Variants in RAP1GAP observed in about 807,000 individuals in gnomAD.
RAP1GAP encodes rap1 GTPase-activating protein 1.
A neutral mutation model predicts 87.2 loss-of-function variants in RAP1GAP; 35 were observed. The observed-to-expected ratio is 0.40, with a 90% confidence interval of 0.31 to 0.53. The LOEUF (loss-of-function observed/expected upper bound fraction) is 0.53. RAP1GAP is among the 20% of genes least tolerant of loss of function. The probability of loss-of-function intolerance (pLI) is 0.48; values close to 1 mark genes in which losing one functional copy is unlikely to be tolerated. For synonymous variants in RAP1GAP, 375 were observed against 363.9 expected, an observed-to-expected ratio of 1.03 and a Z score of -0.35; for missense variants, 734 against 898.9, an observed-to-expected ratio of 0.82 and a Z score of 2.35.
chr1:21,643,281 T>C (rs1347716062), intron 2 of RAP1GAP, among the ~76,000 whole-genome samples: 5 of 152,072 alleles, frequency 3.3e-5, no homozygotes, highest in African/African-American at 7.2e-5. Flanking sequence ...CCTCCGAGGC[T>C]GGGTGTGGTG....
At chr1:21,626,506 G>A (rs984516751) in intron 2 of RAP1GAP, 109 bp from the exon 3 acceptor site, 19 of 871,714 alleles carry the variant, frequency 2.2e-5, no homozygotes, top group African/African-American at 8.3e-5. Flanking sequence ...TAGACTTCAC[G>A]GAGGAGAGGG....
chr1:21,630,380 C>T (rs899921644), intron 2 of RAP1GAP, among the ~76,000 whole-genome samples: 2 of 151,890 alleles, frequency 1.3e-5, no homozygotes, highest in Non-Finnish European at 2.9e-5. Flanking sequence ...GCCATCCTCC[C>T]TCCTCAGCCT....
At position 21,609,764 on chromosome 1, in the gene RAP1GAP, T is replaced by C; in HGVS notation, c.1000-118A>G. The C allele has an allele frequency of 1.3e-6, 1 of 743,786 alleles. No homozygotes were observed. The highest frequency in any genetic ancestry group is 2.1e-6 in the Non-Finnish European group (1 of 468,724). 46.1% of individuals were successfully genotyped at this position (743,786 alleles called of 1,614,324 possible). On this transcript the variant is annotated intron_variant, in intron 14 of 24. Coordinates refer to ENST00000374765, the MANE Select transcript of RAP1GAP (RefSeq NM_002885.4). The surrounding 1 kb of genome is among the most constrained non-coding windows in gnomAD (Gnocchi z 4.4). ...CCCTTGGTCGGGGAGACCCAGTGACTGTGGGCTGGATGAATCTTTCTTCCA... is the reference window on the plus strand; with the variant it reads ...CCCTTGGTCGGGGAGACCCAGTGACCGTGGGCTGGATGAATCTTTCTTCCA...
Position 21,609,440 on chromosome 1 carries a change from G to C in RAP1GAP, c.1071+135C>G. The C allele has an allele frequency of 7.8e-6, 4 of 509,746 alleles. No individual in the cohort carries two copies. 31.6% of individuals were successfully genotyped at this position (509,746 alleles called of 1,614,324 possible). A position where few individuals can be genotyped will look rare whatever the true frequency, so the allele number is the denominator to read the frequency against. ...AAGATGAATGGAAAAGCCAGGCCCC[G>C]GTTGCAGTTAGGGGAGCCCAGCTGC... On this transcript the variant is annotated intron_variant, in intron 15 of 24. Transcript: ENST00000374765. The surrounding 1 kb of genome is among the most constrained non-coding windows in gnomAD (Gnocchi z 4.4).
chr1:21,605,463 A>C (rs2073773330), intron 18 of RAP1GAP, among the ~76,000 whole-genome samples: 1 of 152,154 alleles, frequency 6.6e-6, no homozygotes, highest in South Asian at 2.1e-4. Context: ...TTTCTGACAC[A>C]CAGTAGGTTC....
chr1:21,614,690 CA>C (rs2080838777), intron 7 of RAP1GAP, among the ~76,000 whole-genome samples: 1 of 152,158 alleles, frequency 6.6e-6, no homozygotes, highest in Non-Finnish European at 1.5e-5. Flanking sequence ...TGGGGAGTAT[CA>C]GGGGTGGCTG....
At position 21,601,773 on chromosome 1, in the gene RAP1GAP, C is replaced by T. The variant is rs781751939; in HGVS notation, c.1563G>A (p.Lys521=). ...GTGAGACGTGCCCGCTGTCTGGGGT[C>T]TTCTGACCAGCCGGAGGGCTCTCCC... The part of the protein sequence containing the change: ...EKRESPPAGQ[K]TPDSGHVSQE... The change falls in exon 20 of 25, where the codon AAG becomes AAA. Residue 521 remains lysine, a synonymous_variant. Transcript: ENST00000374765. The T allele has an allele frequency of 1.2e-6, 2 of 1,610,394 alleles. No homozygotes were observed. The highest frequency in any genetic ancestry group is 2.2e-5 in the East Asian group (1 of 44,824).
chr1:21,639,911 G>A (rs2095347491), intron 2 of RAP1GAP, among the ~76,000 whole-genome samples: 1 of 152,166 alleles, frequency 6.6e-6, no homozygotes, highest in African/African-American at 2.4e-5. Flanking sequence ...GGGTGTGGGA[G>A]GGAAAGCGCT....
At chr1:21,599,894 C>T (rs2066752118) in intron 20 of RAP1GAP, among the ~76,000 whole-genome samples, 1 of 152,244 alleles carries the variant, frequency 6.6e-6, no homozygotes, top group Non-Finnish European at 1.5e-5. Context: ...AGCACAATAT[C>T]CTTGGCGTGG....
At chr1:21,646,658 T>A (rs1016011605) in intron 2 of RAP1GAP, among the ~76,000 whole-genome samples, 1 of 152,220 alleles carries the variant, frequency 6.6e-6, no homozygotes, top group East Asian at 1.9e-4. Flanking sequence ...AGAACGCTCC[T>A]ACCTTGCACA....
intron 2 of RAP1GAP, among the ~76,000 whole-genome samples, chr1:21,633,971 G>A (rs1438577472): frequency 3.3e-5 from 5 of 151,934 alleles, no homozygotes; most frequent in African/African-American, 7.3e-5. Context: ...TGCCAGAGCC[G>A]GGTCTCCTAG....
At chr1:21,651,469 A>C (rs768623022) in intron 1 of RAP1GAP, 37 of 604,282 alleles carry the variant, frequency 6.1e-5, no homozygotes, top group South Asian at 4.8e-4. Flanking sequence ...CCGCAGCCCC[A>C]GTCACATGCA....
At chr1:21,651,270 C>G (rs2096539290) in intron 1 of RAP1GAP, 1 of 379,962 alleles carries the variant, frequency 2.6e-6, no homozygotes. Context: ...TGGGCAGGAC[C>G]TGCTAAGGGC....
chr1:21,608,604 C>A (rs561514403), intron 16 of RAP1GAP, among the ~76,000 whole-genome samples: 1 of 151,266 alleles, frequency 6.6e-6, no homozygotes, highest in Admixed American at 6.6e-5. Flanking sequence ...CAGGTCCACC[C>A]CCCCACCTGA....
chr1:21,622,210 C>G lies in RAP1GAP; in HGVS notation c.-18-2160G>C. 2 of 317,838 alleles carry G rather than the reference C, an allele frequency of 6.3e-6. No homozygotes were observed. Among genetic ancestry groups the G allele is most frequent in the South Asian group, 5.9e-5 (1 of 16,978 alleles). The allele number at this position is 317,838 out of a possible 1,614,324, so 19.7% of individuals were successfully genotyped here. ...CCCGTGGCCAGTGTCAGCCCAGAAG[C>G]TCACACGCCCACCATGACGGAGCCT... On this transcript the variant is annotated intron_variant, in intron 3 of 24. Transcript: ENST00000374765. The surrounding 1 kb of genome is among the most constrained non-coding windows in gnomAD (Gnocchi z 5.7).
At chr1:21,648,839 G>C (rs1162312613) in intron 2 of RAP1GAP, among the ~76,000 whole-genome samples, 1 of 152,168 alleles carries the variant, frequency 6.6e-6, no homozygotes, top group Non-Finnish European at 1.5e-5. Flanking sequence ...AGAAAGGCAG[G>C]CTGGGAGCTT....
intron 18 of RAP1GAP, 38 bp downstream of exon 18, chr1:21,606,028 G>A (rs754938313): frequency 6.5e-7 from 1 of 1,549,764 alleles, no homozygotes; most frequent in South Asian, 1.2e-5. Flanking sequence ...GGGCCCCCCA[G>A]GGAGGGGCCG....
chr1:21,652,100 C>A (rs1340545990), intron 1 of RAP1GAP, among the ~76,000 whole-genome samples: 2 of 141,914 alleles, frequency 1.4e-5, no homozygotes, highest in Admixed American at 1.4e-4. Context: ...GGCAGCCCCT[C>A]CCCCACCCCC....
chr1:21,640,170 A>G (rs1439710587), intron 2 of RAP1GAP, among the ~76,000 whole-genome samples: 1 of 149,624 alleles, frequency 6.7e-6, no homozygotes, highest in Non-Finnish European at 1.5e-5. Context: ...AGGCCACTGC[A>G]CACGCTGTGC....
Sources: allele counts gnomAD v4.1 joint callset (sites outside exome capture counted in the v4.1 genomes callset), GRCh38; gene constraint gnomAD v4.1.1; non-coding constraint Gnocchi (gnomAD v3.1); transcripts MANE v1.5; gene names NCBI Gene and HGNC (gene_info 2026-07-23, HGNC 2026-07-21).